The following SIK3 variants were observed in gnomAD, a reference collection of about 807,000 sequenced individuals.
SIK3 encodes the protein serine/threonine-protein kinase SIK3.
A neutral mutation model predicts 144.2 loss-of-function variants in SIK3; 28 were observed. That is an observed-to-expected ratio of 0.19 (90% CI 0.14 to 0.27). The LOEUF is 0.27. Among genes scored for constraint, SIK3 ranks in the 10% least tolerant of loss-of-function variants. SIK3 has a pLI of 1.00. For missense variants in SIK3, 1,319 were observed against 1,776.0 expected (o/e 0.74, Z 4.62); for synonymous variants, 686 against 676.3 (o/e 1.01, Z -0.22).
chr11:116,958,427 G>A (rs1478139568), intron 1 of SIK3, among the ~76,000 whole-genome samples: 1 of 152,228 alleles, frequency 6.6e-6, no homozygotes, highest in Non-Finnish European at 1.5e-5. Context: ...TAACGAGGGA[G>A]TGTGATGAAA....
At chr11:116,973,576 T>G (rs1282740972) in intron 1 of SIK3, among the ~76,000 whole-genome samples, 1 of 152,160 alleles carries the variant, frequency 6.6e-6, no homozygotes, top group Non-Finnish European at 1.5e-5. Context: ...ATCTAATGAC[T>G]TCCTTCCAGA....
intron 3 of SIK3, among the ~76,000 whole-genome samples, chr11:116,945,380 C>A (rs200595549): frequency 1.9e-4 from 18 of 95,390 alleles, no homozygotes; most frequent in South Asian, 3.9e-4. Context: ...TTCATGAATT[C>A]TTTTTTTTTT....
At chr11:116,951,825 T>C (rs1948950157) in intron 3 of SIK3, among the ~76,000 whole-genome samples, 1 of 152,010 alleles carries the variant, frequency 6.6e-6, no homozygotes, top group African/African-American at 2.4e-5. Context: ...TCCCAGCTAC[T>C]CAGGAAGCTA....
chr11:117,018,720 A>T (rs7934799), intron 1 of SIK3, among the ~76,000 whole-genome samples: 50,735 of 148,050 alleles, frequency 0.34, 9,247 homozygotes, highest in Non-Finnish European at 0.42. Context: ...TATTTTATTT[A>T]TTTTTTTTTT....
intron 1 of SIK3, among the ~76,000 whole-genome samples, chr11:117,071,515 G>A (rs1016565499): frequency 1.3e-5 from 2 of 152,012 alleles, no homozygotes; most frequent in African/African-American, 4.8e-5. Context: ...GTCTGGCACA[G>A]TGCCTAGAAC....
rs1175697974 is a variant in SIK3, at chr11:116,846,351, G to A, written c.*13+32C>T. 1.2e-6 allele frequency: 2 copies of A among 1,602,928 alleles called. No homozygotes were observed. Among genetic ancestry groups the A allele is most frequent in the Non-Finnish European group, 1.7e-6 (2 of 1,173,734 alleles). On this transcript the variant is annotated intron_variant, in intron 24 of 24. Transcript: ENST00000445177. This position sits in a 1 kb window ranked among gnomAD's most constrained non-coding sequence, Gnocchi z 4.1. ...TTGGGAGCAGGCACTGGGCCACAGGGCTGGTTTGGCTCTGGCCAGGGTGAC... is the reference window on the plus strand; with the variant it reads ...TTGGGAGCAGGCACTGGGCCACAGGACTGGTTTGGCTCTGGCCAGGGTGAC...
At chr11:117,002,200 A>C (rs1950877278) in intron 1 of SIK3, among the ~76,000 whole-genome samples, 1 of 152,270 alleles carries the variant, frequency 6.6e-6, no homozygotes, top group African/African-American at 2.4e-5. Flanking sequence ...AAGCTTGTCC[A>C]ACCCAGCCTG....
intron 3 of SIK3, among the ~76,000 whole-genome samples, chr11:116,934,544 G>A (rs1166470295): frequency 6.6e-6 from 1 of 152,188 alleles, no homozygotes; most frequent in Non-Finnish European, 1.5e-5. Flanking sequence ...TGAGAGTTTT[G>A]AGACAACACA....
rs939543138 is a variant in SIK3 at position 117,050,096 on chromosome 11, C to G, written c.273+48047G>C. Among the ~76,000 whole-genome samples the G allele has an allele frequency of 2.0e-5, 3 of 152,212 alleles. No homozygotes were observed. The East Asian group carries it at 5.8e-4, about 29-fold the overall frequency. ...ACCTGAGGTCAGGGTTTGAGACCAG[C>G]CTGGCCAACATGGCAAAACCTTGTC... On this transcript the variant is annotated intron_variant, in intron 1 of 24. Coordinates refer to ENST00000445177, the MANE Select transcript of SIK3 (RefSeq NM_001366686.3).
intron 4 of SIK3, among the ~76,000 whole-genome samples, chr11:116,912,714 T>C (rs1017255586): frequency 3.3e-5 from 5 of 152,196 alleles, no homozygotes; most frequent in Non-Finnish European, 7.3e-5. Context: ...CAAAAATCAC[T>C]GTGACAAGAT....
intron 1 of SIK3, among the ~76,000 whole-genome samples, chr11:117,081,156 TA>T (rs529674503): frequency 6.6e-6 from 1 of 151,950 alleles, no homozygotes; most frequent in Admixed American, 6.6e-5. Context: ...CTTTTTTAAT[TA>T]AAAAAAATTT....
chr11:116,868,156 T>C, intron 14 of SIK3, 67 bp from the exon 15 acceptor site: 1 of 1,542,474 alleles, frequency 6.5e-7, no homozygotes, highest in South Asian at 1.2e-5. Context: ...ACAAGAAGCA[T>C]TAGAAGTTAA....
chr11:117,003,906 G>A (rs917666644), intron 1 of SIK3, among the ~76,000 whole-genome samples: 1 of 152,096 alleles, frequency 6.6e-6, no homozygotes, highest in Non-Finnish European at 1.5e-5. Flanking sequence ...AACGAGAAAT[G>A]TTAAAACAAA....
intron 1 of SIK3, among the ~76,000 whole-genome samples, chr11:117,065,403 T>C (rs1016342436): frequency 1.3e-5 from 2 of 151,966 alleles, no homozygotes; most frequent in African/African-American, 2.4e-5. Context: ...ATCATGTTAA[T>C]AAAAGAAATG....
chr11:116,872,809 T>G (rs1944035331), intron 13 of SIK3, among the ~76,000 whole-genome samples: 1 of 152,222 alleles, frequency 6.6e-6, no homozygotes, highest in Non-Finnish European at 1.5e-5. Flanking sequence ...AGCACTGCCC[T>G]TACAACATCT....
intron 1 of SIK3, among the ~76,000 whole-genome samples, chr11:117,029,254 C>T (rs1315428612): frequency 6.6e-6 from 1 of 151,796 alleles, no homozygotes; most frequent in Admixed American, 6.6e-5. Flanking sequence ...CACTTGAGCT[C>T]AGGAGTTTGA....
intron 1 of SIK3, among the ~76,000 whole-genome samples, chr11:117,032,367 A>C (rs1463680494): frequency 6.6e-6 from 1 of 152,242 alleles, no homozygotes; most frequent in Non-Finnish European, 1.5e-5. Context: ...GTATACAAGT[A>C]AGTCCTATAT....
rs1475829124 is a variant in SIK3 at position 116,954,075 on chromosome 11, C to T, written c.423G>A (p.Val141=). The T allele has an allele frequency of 3.7e-6, 6 of 1,613,876 alleles. No individual in the cohort carries two copies. Among genetic ancestry groups the T allele is most frequent in the African/African-American group, 1.3e-5 (1 of 74,908 alleles). ...TTTCCCCTCCACTAGCATATTCTGT[C>T]ACCAGATAAATCATCCGTTCTGTCT... is the stretch of plus-strand genomic sequence containing the variant. ...VMETERMIYL[V]TEYASGGEIF... is the part of the protein sequence containing the mutation. The change falls in exon 3 of 25, where the codon GTG becomes GTA. Residue 141 remains valine (V), a synonymous_variant. Transcript: ENST00000445177.
intron 1 of SIK3, among the ~76,000 whole-genome samples, chr11:116,994,563 CA>C (rs1950597846): frequency 1.3e-5 from 2 of 152,196 alleles, no homozygotes; most frequent in East Asian, 1.9e-4. Context: ...TGATTCATGA[CA>C]AAAAGTGCTT....
Sources: allele counts gnomAD v4.1 joint callset (sites outside exome capture counted in the v4.1 genomes callset), GRCh38; gene constraint gnomAD v4.1.1; non-coding constraint Gnocchi (gnomAD v3.1); transcripts MANE v1.5; gene names NCBI Gene and HGNC (gene_info 2026-07-23, HGNC 2026-07-21).